The following IQCM variants were observed in gnomAD, a reference collection of about 807,000 sequenced individuals.
The protein encoded by IQCM is IQ domain-containing protein M.
IQCM carries 45 observed loss-of-function variants against 57.6 expected under a neutral mutation model. The observed-to-expected ratio is 0.78, with a 90% CI of 0.62 to 1.00. The LOEUF is 1.00. IQCM is among the 50% of genes least tolerant of loss of function. IQCM has a pLI of 0.00. For missense variants in IQCM, 468 were observed against 511.6 expected (o/e 0.91, Z 0.82); for synonymous variants, 148 against 158.9 (o/e 0.93, Z 0.51).
At chr4:149,708,094 TCAC>T (rs1764291517) in intron 5 of IQCM, among the ~76,000 whole-genome samples, 1 of 151,966 alleles carries the variant, frequency 6.6e-6, no homozygotes, top group Non-Finnish European at 1.5e-5. Flanking sequence ...TGCCAGTACT[TCAC>T]CACCTTTCTT....
intron 5 of IQCM, among the ~76,000 whole-genome samples, chr4:149,719,276 G>A (rs942992616): frequency 1.3e-5 from 2 of 151,700 alleles, no homozygotes; most frequent in East Asian, 1.9e-4. Context: ...CCCAGGAGGT[G>A]GAGGTTGCAG....
chr4:149,442,737 A>T (rs1380212571), intron 12 of IQCM, among the ~76,000 whole-genome samples: 1 of 151,910 alleles, frequency 6.6e-6, no homozygotes, highest in Admixed American at 6.6e-5. Context: ...CTTCTTTCTG[A>T]GTCCTTATGA....
chr4:149,454,545 A>G (rs1737478834), intron 12 of IQCM, among the ~76,000 whole-genome samples: 3 of 151,942 alleles, frequency 2.0e-5, no homozygotes, highest in Admixed American at 6.6e-5. Context: ...ATGAAATAGT[A>G]TGTGCATCAA....
At chr4:149,473,434 C>G (rs1385122862) in intron 12 of IQCM, among the ~76,000 whole-genome samples, 1 of 152,212 alleles carries the variant, frequency 6.6e-6, no homozygotes, top group African/African-American at 2.4e-5. Flanking sequence ...GATACCATCT[C>G]ACACCAGTTA....
chr4:149,684,878 C>A (rs1001664607), intron 6 of IQCM, among the ~76,000 whole-genome samples: 4 of 151,292 alleles, frequency 2.6e-5, no homozygotes, highest in Non-Finnish European at 5.9e-5. Context: ...GACAAGGCAG[C>A]CCAGGTGTAT....
In IQCM at chr4:149,639,122, T is replaced by A. The variant is rs971143588; in HGVS notation, c.566-17878A>T. Among the ~76,000 whole-genome samples, 38 of 152,120 alleles carry A rather than the reference T, an allele frequency of 2.5e-4. 1 individual carries two copies. Among genetic ancestry groups the A allele is most frequent in the Admixed American group, 2.1e-3 (32 of 15,260 alleles). On this transcript the variant is annotated intron_variant, in intron 7 of 13. Transcript: ENST00000636793. ...GGTCATTCACTGAATATAAATTATA[T>A]TTCAATCAAAAAATGAAGACAGGGA...
At chr4:149,527,311 T>C (rs1445019326) in intron 12 of IQCM, among the ~76,000 whole-genome samples, 1 of 152,222 alleles carries the variant, frequency 6.6e-6, no homozygotes, top group African/African-American at 2.4e-5. Flanking sequence ...GGATTAAATG[T>C]TTGTGCCTTT....
intron 12 of IQCM, among the ~76,000 whole-genome samples, chr4:149,435,978 A>AT (rs944905266): frequency 1.3e-5 from 2 of 152,082 alleles, no homozygotes; most frequent in Non-Finnish European, 2.9e-5. Context: ...GCTAAGGTTA[A>AT]TTTTTTATTG....
chr4:149,761,011 A>T (rs1221121726), intron 2 of IQCM, among the ~76,000 whole-genome samples: 2 of 152,066 alleles, frequency 1.3e-5, no homozygotes, highest in Non-Finnish European at 2.9e-5. Flanking sequence ...GAGGACAGAG[A>T]ATTTTGTAAA....
chr4:149,496,478 GAGAGTC>G (rs2149785135), intron 12 of IQCM, among the ~76,000 whole-genome samples: 1 of 152,240 alleles, frequency 6.6e-6, no homozygotes, highest in Non-Finnish European at 1.5e-5. Context: ...AGAGAGGCAG[GAGAGTC>G]AGAGTCAGAG....
chr4:149,614,110 A>G (rs1451297920), intron 8 of IQCM, among the ~76,000 whole-genome samples: 2 of 151,924 alleles, frequency 1.3e-5, no homozygotes, highest in Admixed American at 6.6e-5. Context: ...CTCCTCTCTC[A>G]TGTAGGATGT....
chr4:149,533,701 A>C (rs1212567072), intron 12 of IQCM, among the ~76,000 whole-genome samples: 1 of 152,060 alleles, frequency 6.6e-6, no homozygotes, highest in African/African-American at 2.4e-5. Flanking sequence ...TTATACAGTC[A>C]TAAGCTCTCA....
chr4:149,500,121 T>C (rs955843776), intron 12 of IQCM, among the ~76,000 whole-genome samples: 2 of 152,208 alleles, frequency 1.3e-5, no homozygotes, highest in Non-Finnish European at 2.9e-5. Context: ...GTTAAGAAAT[T>C]GTGTTCAATG....
chr4:149,400,656 A>C (rs1732554785), intron 13 of IQCM, among the ~76,000 whole-genome samples: 1 of 152,042 alleles, frequency 6.6e-6, no homozygotes, highest in African/African-American at 2.4e-5. Context: ...CTGTATATTA[A>C]AATACATTAT....
rs1478406438 is a variant in IQCM, at chr4:149,684,271, A to C, written c.477-2065T>G. Among the ~76,000 whole-genome samples the C allele has an allele frequency of 2.6e-5, 4 of 151,324 alleles. No homozygotes were observed. In the East Asian group the frequency reaches 7.8e-4, roughly 29 times the overall value. ...CAGTATTCAATTGTGTTTTCCCACC[A>C]CAGGTCAAAAATAGACAAGTTTAGA... On this transcript the variant is annotated intron_variant, in intron 6 of 13. Transcript: ENST00000636793.
chr4:149,440,213 C>T (rs1258125300), intron 12 of IQCM, among the ~76,000 whole-genome samples: 2 of 149,846 alleles, frequency 1.3e-5, no homozygotes, highest in Non-Finnish European at 3.0e-5. Flanking sequence ...GGTGATCTGC[C>T]GCCTTGACCT....
At chr4:149,621,028 C>G (rs1756286707) in intron 8 of IQCM, 101 bp downstream of exon 8, 1 of 453,162 alleles carries the variant, frequency 2.2e-6, no homozygotes, top group South Asian at 1.2e-4. Flanking sequence ...AGGACTGAAA[C>G]AGGTCCATAG....
intron 12 of IQCM, among the ~76,000 whole-genome samples, chr4:149,458,824 A>T (rs1358994491): frequency 6.6e-6 from 1 of 152,160 alleles, no homozygotes; most frequent in Non-Finnish European, 1.5e-5. Context: ...ATCTATAAAA[A>T]CTATTTAGTT....
chr4:149,808,507 TATC>T (rs1156974731), intron 2 of IQCM, among the ~76,000 whole-genome samples: 20 of 152,270 alleles, frequency 1.3e-4, no homozygotes, highest in South Asian at 1.2e-3. Flanking sequence ...GTTAATAATT[TATC>T]ATAATTTATC....
Sources: allele counts gnomAD v4.1 joint callset (sites outside exome capture counted in the v4.1 genomes callset), GRCh38; gene constraint gnomAD v4.1.1; transcripts MANE v1.5; gene names NCBI Gene and HGNC (gene_info 2026-07-23, HGNC 2026-07-21).